NAALADL2: variants seen among roughly 807,000 people sequenced by gnomAD.
NAALADL2 encodes inactive N-acetylated-alpha-linked acidic dipeptidase-like protein 2.
NAALADL2 carries 76 observed loss-of-function variants against 87.2 expected under a neutral mutation model. The ratio of observed to expected loss-of-function variants is 0.87; its 90% CI spans 0.72 to 1.05. The LOEUF is 1.05. Ranked by LOEUF, NAALADL2 falls within the 50% of genes least tolerant of loss-of-function variation. The probability of loss-of-function intolerance (pLI) is 0.00; values close to 1 mark genes in which losing one functional copy is unlikely to be tolerated. For synonymous variants in NAALADL2, 354 were observed against 331.0 expected, an observed-to-expected ratio of 1.07 and a Z score of -0.75; for missense variants, 1,089 against 945.8, an observed-to-expected ratio of 1.15 and a Z score of -1.99.
chr3:175,719,654 T>C (rs1741944529), intron 11 of NAALADL2, among the ~76,000 whole-genome samples: 1 of 152,190 alleles, frequency 6.6e-6, no homozygotes, highest in Non-Finnish European at 1.5e-5. Flanking sequence ...CCATTGCACT[T>C]ACAATACCAG....
chr3:174,708,260 T>G (rs1439635246), intron 2 of NAALADL2, among the ~76,000 whole-genome samples: 1 of 152,158 alleles, frequency 6.6e-6, no homozygotes, highest in Non-Finnish European at 1.5e-5. Context: ...GGCATTTAGC[T>G]CATTTTAGCA....
chr3:174,740,846 A>C (rs1300940054), intron 3 of NAALADL2, among the ~76,000 whole-genome samples: 1 of 151,812 alleles, frequency 6.6e-6, no homozygotes, highest in Admixed American at 6.6e-5. Flanking sequence ...GAGATTTTCT[A>C]ACACTTCTTG....
In NAALADL2 at chr3:175,703,820, T is replaced by G. The variant is rs188645344; in HGVS notation, c.1897-33486T>G. Among the ~76,000 whole-genome samples, 435 of 151,428 alleles carry G rather than the reference T, an allele frequency of 2.9e-3. 1 individual carries two copies. The highest frequency in any genetic ancestry group is 1.0e-2 in the African/African-American group (409 of 41,062). ...GCTAACCAAATCAAATTGCATTCAT[T>G]TTCCTTTTTCATCTCTTTGACATGA... is the stretch of plus-strand genomic sequence containing the variant. On this transcript the variant is annotated intron_variant, in intron 11 of 13. Coordinates refer to ENST00000454872, the MANE Select transcript of NAALADL2 (RefSeq NM_207015.3).
chr3:174,897,417 AAAG>A (rs1731686316), intron 1 of NAALADL2, among the ~76,000 whole-genome samples: 1 of 152,154 alleles, frequency 6.6e-6, no homozygotes. Flanking sequence ...AAAAAAAAAA[AAAG>A]TGCTAACATC....
chr3:174,959,886 C>T (rs191093654), intron 1 of NAALADL2, among the ~76,000 whole-genome samples: 15 of 152,130 alleles, frequency 9.9e-5, no homozygotes, highest in African/African-American at 3.6e-4. Flanking sequence ...AGTTGACATC[C>T]ATTGCTTTTG....
intron 2 of NAALADL2, among the ~76,000 whole-genome samples, chr3:174,708,225 T>C (rs144924420): frequency 1.3e-5 from 2 of 152,246 alleles, no homozygotes; most frequent in African/African-American, 4.8e-5. Context: ...AAGCTATGGG[T>C]ATGATAAATG....
chr3:175,196,487 G>A (rs1580876872), intron 2 of NAALADL2, among the ~76,000 whole-genome samples: 1 of 151,828 alleles, frequency 6.6e-6, no homozygotes, highest in East Asian at 1.9e-4. Context: ...CTGTTGTGTT[G>A]GTATTTTTTA....
chr3:174,638,939 T>C (rs566399477), intron 2 of NAALADL2, among the ~76,000 whole-genome samples: 14 of 152,350 alleles, frequency 9.2e-5, no homozygotes, highest in African/African-American at 3.4e-4. Context: ...TCTATTTTGC[T>C]GTCTGCTCCA....
intron 2 of NAALADL2, among the ~76,000 whole-genome samples, chr3:175,159,867 T>A (rs1306199949): frequency 2.6e-5 from 4 of 151,682 alleles, no homozygotes; most frequent in Non-Finnish European, 4.4e-5. Context: ...CTCAGAGTCT[T>A]GCTCTGTTGC....
At chr3:175,484,726 C>T (rs988515957) in intron 9 of NAALADL2, among the ~76,000 whole-genome samples, 6 of 152,146 alleles carry the variant, frequency 3.9e-5, no homozygotes, top group Admixed American at 1.3e-4. Flanking sequence ...CTGTAGTTAA[C>T]GACTGCATTA....
rs529505829 is a variant in NAALADL2 at position 174,589,306 on chromosome 3, C to T, written c.-115+38669C>T. Among the ~76,000 whole-genome samples the T allele has an allele frequency of 2.0e-5, 3 of 152,256 alleles. No homozygotes were observed. In the East Asian group the frequency reaches 5.8e-4, roughly 29 times the overall value. On this transcript the variant is annotated intron_variant, in intron 2 of 3. Coordinates refer to the NAALADL2 transcript ENST00000434257. Reference sequence around the variant, plus strand: ...TTCCCTTGGCTAGGAAAGGGAATTCCCCGACCCCTTGTGCTTCCCGGCTGA... The same window carrying T: ...TTCCCTTGGCTAGGAAAGGGAATTCTCCGACCCCTTGTGCTTCCCGGCTGA...
intron 9 of NAALADL2, among the ~76,000 whole-genome samples, chr3:175,552,747 A>G (rs1003354201): frequency 6.6e-6 from 1 of 152,126 alleles, no homozygotes; most frequent in African/African-American, 2.4e-5. Flanking sequence ...TGATTTAGAA[A>G]TATACTGATG....
chr3:175,451,506 C>G (rs1428146171), intron 6 of NAALADL2, among the ~76,000 whole-genome samples: 1 of 151,962 alleles, frequency 6.6e-6, no homozygotes, highest in Non-Finnish European at 1.5e-5. Flanking sequence ...GAAGTTCAGT[C>G]AAAACATGGA....
At chr3:175,068,910 C>T (rs1419307037) in intron 1 of NAALADL2, among the ~76,000 whole-genome samples, 1 of 151,904 alleles carries the variant, frequency 6.6e-6, no homozygotes, top group South Asian at 2.1e-4. Context: ...AAGAAAATTG[C>T]CAGCAATTAT....
chr3:175,562,706 T>C (rs1582411771), intron 9 of NAALADL2, among the ~76,000 whole-genome samples: 1 of 152,188 alleles, frequency 6.6e-6, no homozygotes, highest in East Asian at 1.9e-4. Flanking sequence ...GAAAATTTCT[T>C]GATACTAAAT....
intron 5 of NAALADL2, among the ~76,000 whole-genome samples, chr3:175,377,856 G>A (rs1355791710): frequency 1.3e-5 from 2 of 151,830 alleles, no homozygotes; most frequent in East Asian, 1.9e-4. Flanking sequence ...GGAGACTTCC[G>A]GACTTCAGGG....
At chr3:174,694,966 T>C (rs1187070339) in intron 2 of NAALADL2, among the ~76,000 whole-genome samples, 1 of 152,046 alleles carries the variant, frequency 6.6e-6, no homozygotes, top group Non-Finnish European at 1.5e-5. Flanking sequence ...CCACCACTTC[T>C]AGATTAGAAG....
At chr3:175,077,313 G>A (rs992700829) in intron 1 of NAALADL2, among the ~76,000 whole-genome samples, 5 of 152,174 alleles carry the variant, frequency 3.3e-5, no homozygotes, top group African/African-American at 1.2e-4. Flanking sequence ...GGCCTTTAGT[G>A]TGGCTTTGTT....
rs143108089 is a variant in NAALADL2 at position 175,458,579 on chromosome 3, T to C, written c.1235-4822T>C. Among the ~76,000 whole-genome samples the C allele has an allele frequency of 3.1e-3, 454 of 148,060 alleles. 3 individuals are homozygous for C. Among genetic ancestry groups the C allele is most frequent in the African/African-American group, 0.01 (410 of 40,866 alleles). On this transcript the variant is annotated intron_variant, in intron 6 of 13. Transcript: ENST00000454872. ...TATTAAATTTTATAATTTATAAATA[T>C]AATAAAAATAAATTATATATATATA...
Sources: gnomAD v4.1 joint callset for allele counts (sites outside exome capture counted in the v4.1 genomes callset) on GRCh38, gnomAD v4.1.1 for gene constraint, MANE v1.5 for transcripts, NCBI Gene and HGNC (gene_info 2026-07-23, HGNC 2026-07-21) for gene names.